The following INPP4A variants were observed in gnomAD, a reference collection of about 807,000 sequenced individuals.
INPP4A encodes the protein inositol polyphosphate-4-phosphatase type I A.
INPP4A carries 33 observed loss-of-function variants against 119.8 expected under a neutral mutation model. That is an observed-to-expected ratio of 0.28 (90% CI 0.21 to 0.37). The LOEUF is 0.37. Among genes scored for constraint, INPP4A ranks in the 10% least tolerant of loss-of-function variants. The pLI is 1.00. For synonymous variants in INPP4A, 496 were observed against 500.7 expected, an observed-to-expected ratio of 0.99 and a Z score of 0.12; for missense variants, 956 against 1,289.9, an observed-to-expected ratio of 0.74 and a Z score of 3.97.
intron 1 of INPP4A, among the ~76,000 whole-genome samples, chr2:98,517,862 C>T (rs1419595167): frequency 3.3e-5 from 5 of 152,240 alleles, no homozygotes; most frequent in Non-Finnish European, 7.3e-5. Flanking sequence ...GTTTGAACTA[C>T]TCTAAGATGG....
rs148852709 is a variant in INPP4A at position 98,562,304 on chromosome 2, T to C, written c.1856-1161T>C. Among the ~76,000 whole-genome samples, 101 of 152,270 alleles carry C rather than the reference T, an allele frequency of 6.6e-4. 1 individual carries two copies. The highest frequency in any genetic ancestry group is 2.3e-3 in the African/African-American group (95 of 41,558). On this transcript the variant is annotated intron_variant, in intron 17 of 24. Coordinates refer to ENST00000409851, the MANE Select transcript of INPP4A (RefSeq NM_001134225.2). ...ACATTTGCATTAACCAAACACTGAG[T>C]GTAGGGAATTCTTTTATATGTTTCA...
At chr2:98,556,039 G>C (rs530678021) in intron 16 of INPP4A, 1 of 526,062 alleles carries the variant, frequency 1.9e-6, no homozygotes, top group South Asian at 3.2e-5. Flanking sequence ...CTGCCAGTCA[G>C]AATCTCAGGG....
At chr2:98,470,505 G>A (rs145083628) in intron 1 of INPP4A, among the ~76,000 whole-genome samples, 160 of 152,336 alleles carry the variant, frequency 1.1e-3, no homozygotes, top group African/African-American at 3.7e-3. Context: ...GGGGCCTTTC[G>A]CCTTCTCAGC....
chr2:98,574,435 C>G lies in INPP4A; in HGVS notation c.2631+1508C>G, dbSNP rs111914537. On this transcript the variant is annotated intron_variant, in intron 23 of 24. Transcript: ENST00000409851. ...GGTGAGTCAGCTGAGGTCAGGAGTT[C>G]GAGACCAGCCTGGCCAACATGGTGA... is the stretch of plus-strand genomic sequence containing the variant. 4.3e-3 allele frequency among the ~76,000 whole-genome samples: 660 copies of G among 152,028 alleles called. 10 individuals carry two copies. Among genetic ancestry groups the G allele is most frequent in the African/African-American group, 0.015 (638 of 41,466 alleles).
At chr2:98,491,441 T>C (rs1484174516) in intron 1 of INPP4A, among the ~76,000 whole-genome samples, 1 of 152,226 alleles carries the variant, frequency 6.6e-6, no homozygotes, top group Non-Finnish European at 1.5e-5. Context: ...CTCGTCTGGA[T>C]GATGTGGTTT....
chr2:98,495,034 A>G (rs1478914445), intron 1 of INPP4A, among the ~76,000 whole-genome samples: 1 of 152,210 alleles, frequency 6.6e-6, no homozygotes, highest in African/African-American at 2.4e-5. Context: ...GGAGGGGAAT[A>G]TACTTCACCA....
chr2:98,536,015 A>C, intron 6 of INPP4A, 114 bp from the exon 7 acceptor site: 1 of 739,874 alleles, frequency 1.4e-6, no homozygotes, highest in Non-Finnish European at 2.3e-6. Context: ...GGCTTCTGAC[A>C]TAAGGGTAAG....
intron 23 of INPP4A, 34 bp from the exon 24 acceptor site, chr2:98,576,955 C>T (rs751541417): frequency 1.3e-5 from 20 of 1,592,634 alleles, no homozygotes; most frequent in Non-Finnish European, 1.6e-5. Context: ...TGTGGAGCCT[C>T]GCCTCTAAGC....
intron 24 of INPP4A, among the ~76,000 whole-genome samples, chr2:98,578,635 G>A (rs1000902833): frequency 7.9e-5 from 12 of 152,352 alleles, no homozygotes; most frequent in African/African-American, 2.6e-4. Context: ...GGCCCCATCC[G>A]CCTGCCCCTA....
chr2:98,476,257 G>T (rs527984345), intron 1 of INPP4A, among the ~76,000 whole-genome samples: 2 of 152,216 alleles, frequency 1.3e-5, no homozygotes, highest in Non-Finnish European at 2.9e-5. Context: ...TTAGGGCCAG[G>T]TGTTGCCAGG....
chr2:98,575,448 C>T (rs1224854176), intron 23 of INPP4A, among the ~76,000 whole-genome samples: 1 of 152,244 alleles, frequency 6.6e-6, no homozygotes, highest in East Asian at 1.9e-4. Context: ...CAAGTTCACT[C>T]TTGCTTTGTC....
chr2:98,490,133 G>GGACT (rs1025648697), intron 1 of INPP4A, among the ~76,000 whole-genome samples: 1 of 151,678 alleles, frequency 6.6e-6, no homozygotes, highest in African/African-American at 2.4e-5. Flanking sequence ...AGGGAGGGAG[G>GGACT]GACTGACAGG....
intron 16 of INPP4A, among the ~76,000 whole-genome samples, chr2:98,558,191 C>T (rs1575077409): frequency 2.0e-5 from 3 of 152,114 alleles, no homozygotes; most frequent in Admixed American, 6.5e-5. Flanking sequence ...GGGTTTAATC[C>T]CTGATGCCTT....
intron 4 of INPP4A, among the ~76,000 whole-genome samples, chr2:98,532,440 T>C (rs2105907009): frequency 6.6e-6 from 1 of 152,360 alleles, no homozygotes; most frequent in East Asian, 1.9e-4. Flanking sequence ...TTTATTATTT[T>C]AACCATTTTT....
At position 98,568,664 on chromosome 2, in the gene INPP4A, G is replaced by A. The variant is rs931419432; in HGVS notation, c.2514G>A (p.Glu838=). 9 of 1,542,730 alleles carry A rather than the reference G, an allele frequency of 5.8e-6. No homozygotes were observed. The highest frequency in any genetic ancestry group is 8.0e-6 in the Non-Finnish European group (9 of 1,121,828). The change falls in exon 22 of 25, where the codon GAG becomes GAA. Residue 838 remains glutamate (E), a synonymous_variant. Coordinates refer to ENST00000409851, the MANE Select transcript of INPP4A (RefSeq NM_001134225.2). ...AGCAGTTTAAGGAAGTTTTGCCTGA[G>A]GATTGTAAGTATTTCTTCAGTCATG... ...YFEQFKEVLP[E]DCLPRSRSQT...
intron 1 of INPP4A, among the ~76,000 whole-genome samples, chr2:98,447,140 C>T (rs1175345334): frequency 6.6e-6 from 1 of 152,176 alleles, no homozygotes; most frequent in Non-Finnish European, 1.5e-5. Context: ...GGAGGCTTTC[C>T]ACCAAGACTG....
intron 16 of INPP4A, among the ~76,000 whole-genome samples, chr2:98,557,805 C>T (rs949367713): frequency 6.6e-6 from 1 of 152,226 alleles, no homozygotes. Context: ...ACCACAGAGG[C>T]TCCTCAAACT....
intron 13 of INPP4A, among the ~76,000 whole-genome samples, chr2:98,549,332 G>C (rs956333903): frequency 7.2e-5 from 11 of 152,104 alleles, no homozygotes; most frequent in African/African-American, 2.7e-4. Flanking sequence ...TCTTATACAG[G>C]AGTCTTGTGG....
At chr2:98,568,782 A>G (rs1266621731) in intron 22 of INPP4A, 114 bp downstream of exon 22, 2 of 672,226 alleles carry the variant, frequency 3.0e-6, no homozygotes, top group African/African-American at 3.6e-5. Context: ...ATGTGTGTGC[A>G]CTGTTCCCTT....
Sources: gnomAD v4.1 joint callset for allele counts (sites outside exome capture counted in the v4.1 genomes callset) on GRCh38, gnomAD v4.1.1 for gene constraint, MANE v1.5 for transcripts, NCBI Gene and HGNC (gene_info 2026-07-23, HGNC 2026-07-21) for gene names.